ITGBL1: variants seen among roughly 807,000 people sequenced by gnomAD.
ITGBL1 encodes the protein integrin beta-like protein 1.
Under a neutral mutation model 68.5 loss-of-function variants are expected in ITGBL1, and 51 were observed. The ratio of observed to expected loss-of-function variants is 0.74; its 90% confidence interval spans 0.59 to 0.94. The LOEUF (loss-of-function observed/expected upper bound fraction) is 0.94, where lower values mean the gene tolerates loss of function less well. Ranked by LOEUF, ITGBL1 falls within the 40% of genes least tolerant of loss-of-function variation. The probability of loss-of-function intolerance (pLI) is 0.00; values close to 1 mark genes in which losing one functional copy is unlikely to be tolerated. For synonymous variants in ITGBL1, 209 were observed against 227.3 expected (o/e 0.92, Z 0.72); for missense variants, 649 against 647.4 (o/e 1.00, Z -0.03).
At chr13:101,638,917 G>A (rs2032265850) in intron 7 of ITGBL1, among the ~76,000 whole-genome samples, 2 of 152,110 alleles carry the variant, frequency 1.3e-5, no homozygotes, top group South Asian at 2.1e-4. Flanking sequence ...ATCGTGAACA[G>A]TCATAATGTT....
At chr13:101,535,369 T>C (rs2049555363) in intron 2 of ITGBL1, among the ~76,000 whole-genome samples, 1 of 152,130 alleles carries the variant, frequency 6.6e-6, no homozygotes, top group African/African-American at 2.4e-5. Flanking sequence ...GGCTGTGTTC[T>C]TCTGGGAGTG....
intron 2 of ITGBL1, among the ~76,000 whole-genome samples, chr13:101,533,336 A>C (rs1312050685): frequency 6.6e-6 from 1 of 152,190 alleles, no homozygotes; most frequent in Non-Finnish European, 1.5e-5. Context: ...TCCTTCTCTC[A>C]AAGAAAATGA....
intron 2 of ITGBL1, among the ~76,000 whole-genome samples, chr13:101,488,193 T>C (rs1252277439): frequency 1.3e-5 from 2 of 152,242 alleles, no homozygotes; most frequent in African/African-American, 4.8e-5. Flanking sequence ...TGAGGGAGTA[T>C]ACAATTCCAA....
At chr13:101,634,108 A>G (rs1223269987) in intron 7 of ITGBL1, among the ~76,000 whole-genome samples, 1 of 152,214 alleles carries the variant, frequency 6.6e-6, no homozygotes, top group Non-Finnish European at 1.5e-5. Flanking sequence ...TATAGACAAT[A>G]GCAGAAACTC....
chr13:101,659,770 A>G (rs2139475362), intron 7 of ITGBL1, among the ~76,000 whole-genome samples: 1 of 152,232 alleles, frequency 6.6e-6, no homozygotes, highest in South Asian at 2.1e-4. Flanking sequence ...CTGGTGAGGT[A>G]ATTTTTAAGT....
At chr13:101,686,061 G>T (rs1220330832) in intron 7 of ITGBL1, among the ~76,000 whole-genome samples, 1 of 152,070 alleles carries the variant, frequency 6.6e-6, no homozygotes, top group Non-Finnish European at 1.5e-5. Flanking sequence ...TGAGACTGGA[G>T]TTAAGAGAAC....
At chr13:101,719,646 G>GCAAT (rs1025324453), downstream of ITGBL1, 3 of 152,098 alleles carry the variant, frequency 2.0e-5, no homozygotes, top group Admixed American at 1.3e-4. Flanking sequence ...GACTGGCAAA[G>GCAAT]CAATCAGCTA....
At chr13:101,624,765 G>T (rs142246593) in intron 7 of ITGBL1, among the ~76,000 whole-genome samples, 3 of 152,184 alleles carry the variant, frequency 2.0e-5, no homozygotes, top group Non-Finnish European at 2.9e-5. Flanking sequence ...GAGTGCTTCC[G>T]GAAGGTGAAG....
At chr13:101,678,265 G>C (rs2033553846) in intron 7 of ITGBL1, among the ~76,000 whole-genome samples, 1 of 152,130 alleles carries the variant, frequency 6.6e-6, no homozygotes. Context: ...TATTTTGGTA[G>C]AGTCAAAAAC....
At chr13:101,561,146 C>T (rs531427641) in intron 2 of ITGBL1, among the ~76,000 whole-genome samples, 13 of 152,232 alleles carry the variant, frequency 8.5e-5, no homozygotes, top group East Asian at 5.8e-4. Context: ...AAGTTGGTAG[C>T]GGCCAAGTAT....
Position 101,453,913 on chromosome 13 carries a change from C to T in ITGBL1, c.129C>T (p.Ser43=). 3 of 1,316,094 alleles carry T rather than the reference C, an allele frequency of 2.3e-6. No homozygotes were observed. Among genetic ancestry groups the T allele is most frequent in the African/African-American group, 1.5e-5 (1 of 65,192 alleles). The allele number at this position is 1,316,094 out of a possible 1,614,324, so 81.5% of individuals were successfully genotyped here. ...GGCCGGGCGCCGCCTGCAGGCTGTC[C>T]CGGGCCGAGTCGGAGCGACGCTGCC... ...RSWPGAACRL[S]RAESERRCRA... The change falls in exon 2 of 11, where the codon TCC becomes TCT. Residue 43 remains serine, a synonymous_variant. Coordinates refer to ENST00000376180, the MANE Select transcript of ITGBL1 (RefSeq NM_004791.3).
intron 2 of ITGBL1, among the ~76,000 whole-genome samples, chr13:101,563,149 C>A (rs573746628): frequency 1.0e-4 from 15 of 150,532 alleles, no homozygotes; most frequent in Non-Finnish European, 1.9e-4. Flanking sequence ...TTGCAGCTAA[C>A]ATAGTACTTA....
intron 2 of ITGBL1, among the ~76,000 whole-genome samples, chr13:101,498,278 G>A (rs568339207): frequency 1.3e-5 from 2 of 152,154 alleles, no homozygotes; most frequent in African/African-American, 4.8e-5. Flanking sequence ...TGATGAGAAT[G>A]TATTTCCCTT....
intron 2 of ITGBL1, among the ~76,000 whole-genome samples, chr13:101,539,339 G>T (rs1321498292): frequency 6.6e-6 from 1 of 151,888 alleles, no homozygotes; most frequent in Non-Finnish European, 1.5e-5. Context: ...TGCTGAGAAT[G>T]ATGGTTTCCA....
At chr13:101,518,605 A>T (rs1388623744) in intron 2 of ITGBL1, among the ~76,000 whole-genome samples, 1 of 152,210 alleles carries the variant, frequency 6.6e-6, no homozygotes, top group Non-Finnish European at 1.5e-5. Context: ...CAGTATATTG[A>T]TTAGCACCAT....
intron 2 of ITGBL1, among the ~76,000 whole-genome samples, chr13:101,493,358 G>A (rs75409710): frequency 3.3e-5 from 5 of 151,442 alleles, no homozygotes; most frequent in Admixed American, 3.3e-4. Context: ...AAAAAAAAAA[G>A]CTATTTCGAT....
chr13:101,602,771 G>A (rs1314740165), intron 7 of ITGBL1, among the ~76,000 whole-genome samples: 1 of 151,948 alleles, frequency 6.6e-6, no homozygotes, highest in Non-Finnish European at 1.5e-5. Context: ...AATCTACTTT[G>A]TCTCTATGGA....
At chr13:101,680,221 A>G (rs1439657575) in intron 7 of ITGBL1, among the ~76,000 whole-genome samples, 2 of 152,208 alleles carry the variant, frequency 1.3e-5, no homozygotes, top group South Asian at 2.1e-4. Context: ...ATTCCTTCTC[A>G]TAGAAATTGC....
intron 7 of ITGBL1, among the ~76,000 whole-genome samples, chr13:101,608,213 C>T (rs1479815415): frequency 6.6e-6 from 1 of 152,140 alleles, no homozygotes; most frequent in East Asian, 1.9e-4. Flanking sequence ...ATTCCCTTAC[C>T]TAGGAACATA....
Sources: allele counts gnomAD v4.1 joint callset (sites outside exome capture counted in the v4.1 genomes callset), GRCh38; gene constraint gnomAD v4.1.1; transcripts MANE v1.5; gene names NCBI Gene and HGNC (gene_info 2026-07-23, HGNC 2026-07-21).